Variants in CPEB4 observed in about 807,000 individuals in gnomAD.
CPEB4 encodes the protein cytoplasmic polyadenylation element binding protein 4, also known as cytoplasmic polyadenylation element-binding protein 4.
In CPEB4, 12 loss-of-function variants were observed where a neutral mutation model predicts 72.5. The observed-to-expected ratio is 0.17, with a 90% CI of 0.11 to 0.27. The LOEUF (loss-of-function observed/expected upper bound fraction) is 0.27. CPEB4 is among the 10% of genes least tolerant of loss of function. The pLI, the probability that CPEB4 is intolerant of heterozygous loss-of-function variation, is 1.00. For synonymous variants in CPEB4, 302 were observed against 326.3 expected (o/e 0.93, Z 0.80); for missense variants, 614 against 908.5 (o/e 0.68, Z 4.17).
In CPEB4 at chr5:173,959,219, A is replaced by G. The variant is rs1045354975; in HGVS notation, c.*3082A>G. 9 of 152,810 alleles carry G rather than the reference A, an allele frequency of 5.9e-5. No individual in the cohort carries two copies. The highest frequency in any genetic ancestry group is 1.7e-4 in the African/African-American group (7 of 41,478). 9.5% of individuals were successfully genotyped at this position (152,810 alleles called of 1,614,324 possible). A position where few individuals can be genotyped will look rare whatever the true frequency, so the allele number is the denominator to read the frequency against. On this transcript the variant is annotated 3_prime_UTR_variant, in exon 10 of 10. Coordinates refer to ENST00000265085, the MANE Select transcript of CPEB4 (RefSeq NM_030627.4). ...GCATGGCGCCAGCCATGTACTTACA[A>G]TGTAGTTACAGAGTAATTACATGGT...
chr5:173,936,093 G>A (rs2113249592), intron 3 of CPEB4, among the ~76,000 whole-genome samples: 1 of 152,300 alleles, frequency 6.6e-6, no homozygotes, highest in Non-Finnish European at 1.5e-5. Context: ...CTTGGGGACA[G>A]TTCTTGGATT....
chr5:173,890,918 T>C (rs1230589454), intron 1 of CPEB4, 60 bp downstream of exon 1: 19 of 1,488,730 alleles, frequency 1.3e-5, no homozygotes, highest in Admixed American at 2.1e-5. Flanking sequence ...GTGTAATATC[T>C]ATGTAACTAG....
At position 173,889,998 on chromosome 5, in the gene CPEB4, G is replaced by A. The variant is rs1186493056; in HGVS notation, c.265G>A (p.Asp89Asn). 1.2e-6 allele frequency: 2 copies of A among 1,614,066 alleles called. No individual in the cohort carries two copies. The highest frequency in any genetic ancestry group is 3.3e-5 in the Admixed American group (2 of 60,010). Reference protein sequence around the residue: ...KAKSQQQEQQDPLEKQQLSPS... With the variant: ...KAKSQQQEQQNPLEKQQLSPS... ...AAAAAGTCAGCAACAGGAACAGCAA[G>A]ACCCCTTAGAAAAGCAGCAGCTTTC... Residue 89 changes from aspartate to asparagine, a missense_variant, in exon 1 of 10, where the codon GAC becomes AAC. Physicochemically the swap from Asp to Asn is conservative, Grantham distance 23. This residue lies in a region of CPEB4 where 458 missense variants were observed against 548.6 expected (regional missense o/e 0.83). Coordinates refer to ENST00000265085, the MANE Select transcript of CPEB4 (RefSeq NM_030627.4).
intron 2 of CPEB4, among the ~76,000 whole-genome samples, chr5:173,923,785 T>C (rs1256682034): frequency 6.6e-6 from 1 of 152,184 alleles, no homozygotes; most frequent in African/African-American, 2.4e-5. Context: ...CTTAAAAAAT[T>C]GCCATTAATC....
At chr5:173,910,881 TA>T (rs1756633560) in intron 2 of CPEB4, 1 of 305,958 alleles carries the variant, frequency 3.3e-6, no homozygotes, top group Non-Finnish European at 6.0e-6. Context: ...ACCTTATTAT[TA>T]TTTTTTTTAT....
rs958601913 is a variant in CPEB4, at chr5:173,922,015, G to C, written c.1208-10435G>C. Among the ~76,000 whole-genome samples the C allele has an allele frequency of 2.0e-5, 3 of 152,146 alleles. No homozygotes were observed. The East Asian group carries it at 5.8e-4, about 29-fold the overall frequency. ...CATTTTACAGTTGAAAAGAATTGGAGATCCCAAAGATGCAACAGCTTCTGT... is the reference window on the plus strand; with the variant it reads ...CATTTTACAGTTGAAAAGAATTGGACATCCCAAAGATGCAACAGCTTCTGT... On this transcript the variant is annotated intron_variant, in intron 2 of 9. Coordinates refer to ENST00000265085, the MANE Select transcript of CPEB4 (RefSeq NM_030627.4).
At chr5:173,903,289 GGTT>G (rs1349685275) in intron 1 of CPEB4, among the ~76,000 whole-genome samples, 2 of 152,130 alleles carry the variant, frequency 1.3e-5, no homozygotes, top group Non-Finnish European at 2.9e-5. Flanking sequence ...AGCTGTTTCA[GGTT>G]TTGAGAGCAA....
chr5:173,932,417 G>A (rs753797873), intron 2 of CPEB4, 33 bp from the exon 3 acceptor site: 2 of 1,581,158 alleles, frequency 1.3e-6, no homozygotes, highest in Non-Finnish European at 1.7e-6. Flanking sequence ...TATGAAAAAA[G>A]TAAACTTAGT....
In CPEB4 at chr5:173,957,190, C is replaced by T. The variant is rs954731965; in HGVS notation, c.*1053C>T. ...GGATATCATTTTTGATTTTGTGTTA[C>T]AGTACACTTGTAGCCAAAACTGGAA... On this transcript the variant is annotated 3_prime_UTR_variant, in exon 10 of 10. Transcript: ENST00000265085. 6.5e-6 allele frequency: 1 copy of T among 152,722 alleles called. No homozygotes were observed. The highest frequency in any genetic ancestry group is 1.5e-5 in the Non-Finnish European group (1 of 68,030). 9.5% of individuals were successfully genotyped at this position (152,722 alleles called of 1,614,324 possible). A position where few individuals can be genotyped will look rare whatever the true frequency, so the allele number is the denominator to read the frequency against.
At chr5:173,946,921 A>G (rs1031190334) in intron 5 of CPEB4, among the ~76,000 whole-genome samples, 7 of 152,050 alleles carry the variant, frequency 4.6e-5, no homozygotes, top group Admixed American at 3.3e-4. Context: ...TAATGGTGCA[A>G]TACCATCCTG....
intron 1 of CPEB4, among the ~76,000 whole-genome samples, chr5:173,902,388 TTAA>T (rs1756267845): frequency 6.6e-6 from 1 of 152,218 alleles, no homozygotes; most frequent in Non-Finnish European, 1.5e-5. Flanking sequence ...GCTTTGGTTC[TTAA>T]TAATGTGGTT....
chr5:173,937,431 A>G (rs1173274123), intron 3 of CPEB4, among the ~76,000 whole-genome samples: 1 of 152,186 alleles, frequency 6.6e-6, no homozygotes. Flanking sequence ...AGGAAGGTGT[A>G]ATTTACTCAA....
chr5:173,903,510 C>T (rs1756312965), intron 1 of CPEB4, among the ~76,000 whole-genome samples: 1 of 152,168 alleles, frequency 6.6e-6, no homozygotes, highest in African/African-American at 2.4e-5. Context: ...GATGGGAATT[C>T]TTGGACACGA....
intron 2 of CPEB4, among the ~76,000 whole-genome samples, chr5:173,922,332 A>G (rs896457841): frequency 7.2e-5 from 11 of 151,760 alleles, no homozygotes; most frequent in African/African-American, 2.4e-4. Flanking sequence ...CTGGGCTCAA[A>G]CGCTCCTCCC....
intron 2 of CPEB4, among the ~76,000 whole-genome samples, chr5:173,930,428 A>G (rs921768167): frequency 3.3e-5 from 5 of 152,208 alleles, no homozygotes; most frequent in Non-Finnish European, 1.5e-5. Flanking sequence ...TTAAAAATAC[A>G]TACTTGTGAC....
chr5:173,925,240 C>T (rs184094831), intron 2 of CPEB4, among the ~76,000 whole-genome samples: 1 of 152,298 alleles, frequency 6.6e-6, no homozygotes, highest in Non-Finnish European at 1.5e-5. Flanking sequence ...TTTGTAAGTA[C>T]TGGCTTTTGA....
intron 1 of CPEB4, among the ~76,000 whole-genome samples, chr5:173,899,733 T>C (rs1248378945): frequency 6.6e-6 from 1 of 152,196 alleles, no homozygotes; most frequent in African/African-American, 2.4e-5. Context: ...TTTTTTGTTT[T>C]TCTGTTTTTT....
intron 9 of CPEB4, 106 bp downstream of exon 9, chr5:173,953,378 A>G: frequency 1.2e-6 from 1 of 815,252 alleles, no homozygotes; most frequent in Non-Finnish European, 1.9e-6. Flanking sequence ...GACAGCTGAC[A>G]ATTTTGCCTA....
chr5:173,906,278 C>T (rs1756432970), intron 1 of CPEB4, among the ~76,000 whole-genome samples: 1 of 152,256 alleles, frequency 6.6e-6, no homozygotes, highest in East Asian at 1.9e-4. Context: ...TTATCTGTGT[C>T]CCCTTTATCT....
Sources: gnomAD v4.1 joint callset for allele counts (sites outside exome capture counted in the v4.1 genomes callset) on GRCh38, gnomAD v4.1.1 for gene constraint, gnomAD v4.1.1 regional missense constraint, MANE v1.5 for transcripts, NCBI Gene and HGNC (gene_info 2026-07-23, HGNC 2026-07-21) for gene names.